Variants in AGAP1 observed in about 807,000 individuals in gnomAD.
AGAP1 encodes the protein arf-GAP with GTPase, ANK repeat and PH domain-containing protein 1.
A neutral mutation model predicts 105.3 loss-of-function variants in AGAP1; 29 were observed. The ratio of observed to expected loss-of-function variants is 0.28; its 90% CI spans 0.21 to 0.38. The LOEUF (loss-of-function observed/expected upper bound fraction) is 0.38. Among genes scored for constraint, AGAP1 ranks in the 10% least tolerant of loss-of-function variants. The pLI, the probability that AGAP1 is intolerant of heterozygous loss-of-function variation, is 1.00. For missense variants in AGAP1, 998 were observed against 1,165.1 expected (o/e 0.86, Z 2.09); for synonymous variants, 509 against 485.9 (o/e 1.05, Z -0.63).
At position 235,981,316 on chromosome 2, in the gene AGAP1, T is replaced by G. The variant is rs375516511; in HGVS notation, c.1645+12693T>G. Among the ~76,000 whole-genome samples, 5 of 152,256 alleles carry G rather than the reference T, an allele frequency of 3.3e-5. No homozygotes were observed. The East Asian group carries it at 5.8e-4, about 18-fold the overall frequency. On this transcript the variant is annotated intron_variant, in intron 13 of 17. Coordinates refer to ENST00000304032, the MANE Select transcript of AGAP1 (RefSeq NM_001037131.3). The surrounding 1 kb of genome is among the most constrained non-coding windows in gnomAD (Gnocchi z 5.5). ...TTGGCTTGATTATTCATTTGGGTCT[T>G]TCTTGCTTTCTTCAGGTAGGAATGA...
At chr2:235,805,429 A>G (rs879650144) in intron 8 of AGAP1, among the ~76,000 whole-genome samples, 4 of 152,132 alleles carry the variant, frequency 2.6e-5, no homozygotes, top group African/African-American at 7.2e-5. Flanking sequence ...TAATTTTTTT[A>G]AAGTTTGTTT....
intron 1 of AGAP1, among the ~76,000 whole-genome samples, chr2:235,506,118 A>T (rs1029808699): frequency 4.0e-5 from 6 of 151,856 alleles, no homozygotes; most frequent in African/African-American, 7.2e-5. Context: ...TTTAGTAGAG[A>T]TAGGGTTTCA....
Position 236,124,053 on chromosome 2 carries a change from C to T in AGAP1, c.2505C>T (p.Ala835=), listed in dbSNP as rs1331654131. The part of the protein sequence containing the change: ...GCPDERFVLM[A]TPNLSRRNNN... ...CCGACGAGCGCTTCGTGCTCATGGC[C>T]ACCCCTAACCTGTCCAGGAGAAACA... Residue 835 remains alanine, a synonymous_variant, in exon 18 of 18, where the codon GCC becomes GCT. Transcript: ENST00000304032. This position sits in a 1 kb window ranked among gnomAD's most constrained non-coding sequence, Gnocchi z 5.1. The T allele has an allele frequency of 1.9e-6, 3 of 1,614,106 alleles. No homozygotes were observed. The Admixed American group carries it at 5.0e-5, about 27-fold the overall frequency.
rs1031297704 is a variant in AGAP1, at chr2:236,002,823, G to A, written c.1646-33738G>A. 1.3e-5 allele frequency among the ~76,000 whole-genome samples: 2 copies of A among 151,898 alleles called. No homozygotes were observed. The highest frequency in any genetic ancestry group is 2.9e-5 in the Non-Finnish European group (2 of 68,010). ...TAAATATTTATATGATATTTCTTGCGTTGAATTCAGTATGTGCTCAAGTTA... is the reference window on the plus strand; with the variant it reads ...TAAATATTTATATGATATTTCTTGCATTGAATTCAGTATGTGCTCAAGTTA... On this transcript the variant is annotated intron_variant, in intron 13 of 17. Transcript: ENST00000304032. This position sits in a 1 kb window ranked among gnomAD's most constrained non-coding sequence, Gnocchi z 4.3.
intron 1 of AGAP1, among the ~76,000 whole-genome samples, chr2:235,528,503 G>A (rs1942930097): frequency 6.6e-6 from 1 of 152,148 alleles, no homozygotes; most frequent in African/African-American, 2.4e-5. Flanking sequence ...AAAAGTCGAA[G>A]CACAGTGTGT....
intron 6 of AGAP1, among the ~76,000 whole-genome samples, chr2:235,784,403 G>C (rs928563917): frequency 3.9e-5 from 6 of 152,108 alleles, no homozygotes; most frequent in Non-Finnish European, 7.3e-5. Flanking sequence ...GCAGATTACA[G>C]ATTCAAAATC....
At chr2:235,762,926 G>A (rs567478336) in intron 6 of AGAP1, among the ~76,000 whole-genome samples, 1 of 152,274 alleles carries the variant, frequency 6.6e-6, no homozygotes, top group East Asian at 1.9e-4. Flanking sequence ...TACGTTGGAT[G>A]TTGTGAAATT....
chr2:235,665,851 C>G lies in AGAP1; in HGVS notation c.164-43328C>G, dbSNP rs776516528. Among the ~76,000 whole-genome samples, 1 of 152,148 alleles carries G rather than the reference C, an allele frequency of 6.6e-6. No individual in the cohort carries two copies. The highest frequency in any genetic ancestry group is 1.5e-5 in the Non-Finnish European group (1 of 68,030). On this transcript the variant is annotated intron_variant, in intron 1 of 17. Coordinates refer to ENST00000304032, the MANE Select transcript of AGAP1 (RefSeq NM_001037131.3). This position sits in a 1 kb window ranked among gnomAD's most constrained non-coding sequence, Gnocchi z 5.3. Reference sequence around the variant, plus strand: ...CTGTCAGGTTCTGTTATTTGGAAAGCCAGCCTGTGTAGCAGATGGCTCTGC... The same window carrying G: ...CTGTCAGGTTCTGTTATTTGGAAAGGCAGCCTGTGTAGCAGATGGCTCTGC...
At chr2:235,731,010 G>A (rs1951918632) in intron 3 of AGAP1, among the ~76,000 whole-genome samples, 1 of 152,046 alleles carries the variant, frequency 6.6e-6, no homozygotes, top group Non-Finnish European at 1.5e-5. Flanking sequence ...TCTTACATGA[G>A]TCAGTTTCCT....
chr2:235,900,899 C>T lies in AGAP1; in HGVS notation c.1156-7839C>T, dbSNP rs1370908260. Among the ~76,000 whole-genome samples the T allele has an allele frequency of 6.6e-6, 1 of 152,186 alleles. No individual in the cohort carries two copies. Among genetic ancestry groups the T allele is most frequent in the African/African-American group, 2.4e-5 (1 of 41,442 alleles). Reference sequence around the variant, plus strand: ...GTTCTGAAAGTGAAACACTGGAATGCTTTTGGCTGTCTTGGGAAACAAAGT... The same window carrying T: ...GTTCTGAAAGTGAAACACTGGAATGTTTTTGGCTGTCTTGGGAAACAAAGT... On this transcript the variant is annotated intron_variant, in intron 10 of 17. Transcript: ENST00000304032. The surrounding 1 kb of genome is among the most constrained non-coding windows in gnomAD (Gnocchi z 5.5).
intron 11 of AGAP1, among the ~76,000 whole-genome samples, chr2:235,917,595 G>A (rs1458778966): frequency 6.6e-6 from 1 of 152,100 alleles, no homozygotes; most frequent in Non-Finnish European, 1.5e-5. Flanking sequence ...AGGAGAGCTT[G>A]ATTAACGTGG....
chr2:235,672,905 C>T (rs978497585), intron 1 of AGAP1, among the ~76,000 whole-genome samples: 6 of 152,154 alleles, frequency 3.9e-5, no homozygotes, highest in Non-Finnish European at 7.4e-5. Context: ...TATAGTAATG[C>T]TCAGTTTGTT....
intron 1 of AGAP1, among the ~76,000 whole-genome samples, chr2:235,584,011 C>G (rs1945019762): frequency 6.6e-6 from 1 of 152,070 alleles, no homozygotes; most frequent in Admixed American, 6.5e-5. Flanking sequence ...TGGCCAGGGC[C>G]TGTTTTTAAT....
At chr2:235,755,339 T>C (rs1575342723) in intron 6 of AGAP1, among the ~76,000 whole-genome samples, 1 of 142,808 alleles carries the variant, frequency 7.0e-6, no homozygotes, top group East Asian at 2.6e-4. Flanking sequence ...CAAAAGTCCC[T>C]GTTGATTTGT....
rs893882342 is a variant in AGAP1, at chr2:235,989,278, G to A, written c.1645+20655G>A. 2.0e-5 allele frequency among the ~76,000 whole-genome samples: 3 copies of A among 151,284 alleles called. No individual in the cohort carries two copies. Among genetic ancestry groups the A allele is most frequent in the Admixed American group, 6.6e-5 (1 of 15,208 alleles). ...GGTACTGTGTAGAGGTCGCTGCTGC[G>A]TGTGGCTTCACCCAGCTCCTCTGCC... On this transcript the variant is annotated intron_variant, in intron 13 of 17. Coordinates refer to ENST00000304032, the MANE Select transcript of AGAP1 (RefSeq NM_001037131.3). This position sits in a 1 kb window ranked among gnomAD's most constrained non-coding sequence, Gnocchi z 4.4.
intron 1 of AGAP1, chr2:235,670,343 C>G: frequency 2.0e-6 from 1 of 497,682 alleles, no homozygotes; most frequent in Non-Finnish European, 3.6e-6. Context: ...CGCCGAGGAA[C>G]CGGAGGGTCC....
intron 1 of AGAP1, among the ~76,000 whole-genome samples, chr2:235,671,446 A>G (rs963781173): frequency 6.6e-6 from 1 of 152,110 alleles, no homozygotes; most frequent in African/African-American, 2.4e-5. Context: ...GCCGCCGCAC[A>G]GGTGCGGCTG....
intron 13 of AGAP1, among the ~76,000 whole-genome samples, chr2:236,004,856 C>T (rs537919197): frequency 7.9e-5 from 12 of 152,188 alleles, no homozygotes; most frequent in African/African-American, 1.4e-4. Context: ...TATATTGTGA[C>T]GAGATAATAG....
Position 235,729,482 on chromosome 2 carries a change from A to G in AGAP1, c.311-11481A>G, listed in dbSNP as rs1951826225. Among the ~76,000 whole-genome samples, 1 of 152,098 alleles carries G rather than the reference A, an allele frequency of 6.6e-6. No individual in the cohort carries two copies. Reference sequence around the variant, plus strand: ...CTGAGAGCCAGTGACCCCCTCCCCCAGGAGGATGCTGTAGGGGCAGTCTCA... The same window carrying G: ...CTGAGAGCCAGTGACCCCCTCCCCCGGGAGGATGCTGTAGGGGCAGTCTCA... On this transcript the variant is annotated intron_variant, in intron 3 of 17. Coordinates refer to ENST00000304032, the MANE Select transcript of AGAP1 (RefSeq NM_001037131.3). This position sits in a 1 kb window ranked among gnomAD's most constrained non-coding sequence, Gnocchi z 5.0.
Sources: gnomAD v4.1 joint callset for allele counts (sites outside exome capture counted in the v4.1 genomes callset) on GRCh38, gnomAD v4.1.1 for gene constraint, Gnocchi (gnomAD v3.1) non-coding constraint, MANE v1.5 for transcripts, NCBI Gene and HGNC (gene_info 2026-07-23, HGNC 2026-07-21) for gene names.